MACF1: variants seen among roughly 807,000 people sequenced by gnomAD.
The protein encoded by MACF1 is microtubule-actin cross-linking factor 1.
A neutral mutation model predicts 854.8 loss-of-function variants in MACF1; 193 were observed. The ratio of observed to expected loss-of-function variants is 0.23; its 90% CI spans 0.20 to 0.25. The LOEUF (loss-of-function observed/expected upper bound fraction) is 0.25. Among genes scored for constraint, MACF1 ranks in the 10% least tolerant of loss-of-function variants. The pLI, the probability that MACF1 is intolerant of heterozygous loss-of-function variation, is 1.00. For synonymous variants in MACF1, 3,185 were observed against 3,226.7 expected (o/e 0.99, Z 0.44); for missense variants, 7,722 against 8,929.1 (o/e 0.86, Z 5.45).
chr1:39,102,431 AG>A (rs757838404), intron 2 of MACF1, among the ~76,000 whole-genome samples: 3 of 98,202 alleles, frequency 3.1e-5, no homozygotes, highest in Admixed American at 1.2e-4. Flanking sequence ...TATTAATTGG[AG>A]GCGGGGGGGG....
chr1:39,123,295 T>C (rs7555609), intron 2 of MACF1, among the ~76,000 whole-genome samples: 105,571 of 147,594 alleles, frequency 0.72, 37,756 homozygotes, highest in South Asian at 0.83. Context: ...GCAACCTCTA[T>C]CTCCCAGGTT....
At chr1:39,274,303 GTAA>G (rs1645390401) in intron 6 of MACF1, among the ~76,000 whole-genome samples, 1 of 152,040 alleles carries the variant, frequency 6.6e-6, no homozygotes, top group Admixed American at 6.5e-5. Flanking sequence ...AAATAAAAAT[GTAA>G]TAATACTGGT....
At chr1:39,426,620 A>G (rs1643735848) in intron 61 of MACF1, among the ~76,000 whole-genome samples, 1 of 152,238 alleles carries the variant, frequency 6.6e-6, no homozygotes, top group African/African-American at 2.4e-5. Context: ...AACAAACCAC[A>G]GGTACTTTGG....
chr1:39,109,753 G>A (rs1642347179), intron 2 of MACF1, among the ~76,000 whole-genome samples: 3 of 152,170 alleles, frequency 2.0e-5, no homozygotes, highest in African/African-American at 4.8e-5. Flanking sequence ...CTGTCTAAGA[G>A]CCAGGCTCCA....
chr1:39,315,000 C>A (rs547975524), intron 26 of MACF1, among the ~76,000 whole-genome samples: 4 of 152,220 alleles, frequency 2.6e-5, no homozygotes, highest in African/African-American at 7.2e-5. Flanking sequence ...CATTTGAGAG[C>A]CACCCTTAAA....
intron 97 of MACF1, among the ~76,000 whole-genome samples, chr1:39,477,073 A>ACACT (rs1481277864): frequency 3.7e-4 from 14 of 37,866 alleles, no homozygotes; most frequent in East Asian, 3.3e-3. Context: ...ATATATATAT[A>ACACT]TATATATATA....
chr1:39,479,539 G>A (rs568028663), intron 97 of MACF1, among the ~76,000 whole-genome samples: 1 of 152,326 alleles, frequency 6.6e-6, no homozygotes, highest in Admixed American at 6.5e-5. Flanking sequence ...CAGTGGCAAA[G>A]CAAGACGCTA....
chr1:39,181,052 C>T (rs1644098868), intron 2 of MACF1, among the ~76,000 whole-genome samples: 1 of 152,128 alleles, frequency 6.6e-6, no homozygotes, highest in African/African-American at 2.4e-5. Context: ...ACTACAGGCG[C>T]GTGCTACCAT....
Position 39,300,350 on chromosome 1 carries a change from C to T in MACF1, c.2622C>T (p.Tyr874=). ...TTTCTGTCAAGGCTGTCTGTGACTACAGGCAGATCGAGGTGAGGAGGTAGA... is the reference window on the plus strand; with the variant it reads ...TTTCTGTCAAGGCTGTCTGTGACTATAGGCAGATCGAGGTGAGGAGGTAGA... ...NTISVKAVCD[Y]RQIEITICKN... The change falls in exon 22 of 101, where the codon TAC becomes TAT. Residue 874 remains tyrosine (Y), a synonymous_variant. Transcript: ENST00000564288. The T allele has an allele frequency of 3.1e-6, 5 of 1,613,854 alleles. No homozygotes were observed. Among genetic ancestry groups the T allele is most frequent in the Non-Finnish European group, 4.2e-6 (5 of 1,179,942 alleles).
chr1:39,158,426 G>A (rs551009241), intron 2 of MACF1, among the ~76,000 whole-genome samples: 165 of 152,314 alleles, frequency 1.1e-3, no homozygotes, highest in African/African-American at 3.9e-3. Context: ...CTGCTGTAAG[G>A]AGAGTACAGA....
At chr1:39,136,419 C>T (rs892527947) in intron 2 of MACF1, among the ~76,000 whole-genome samples, 4 of 152,162 alleles carry the variant, frequency 2.6e-5, no homozygotes, top group Non-Finnish European at 4.4e-5. Context: ...CCCTCCAAAC[C>T]CTTGTATCTC....
chr1:39,358,981 A>G, intron 46 of MACF1, 108 bp downstream of exon 46: 1 of 1,430,582 alleles, frequency 7.0e-7, no homozygotes, highest in East Asian at 2.3e-5. Flanking sequence ...AGTGGTTGGG[A>G]TGCCTTGGAC....
intron 15 of MACF1, among the ~76,000 whole-genome samples, chr1:39,289,693 CTTTTTTTTTTTTTTTTTTTTT>C (rs58188740): frequency 3.5e-5 from 1 of 28,940 alleles, no homozygotes; most frequent in African/African-American, 1.3e-4. Context: ...GTGGGTTGTC[CTTTTTTTTTTTTTTTTTTTTT>C]TTTTTTTTTT....
chr1:39,400,498 TTTTGTTTGTTTG>T (rs982179795), intron 58 of MACF1, among the ~76,000 whole-genome samples: 9 of 151,922 alleles, frequency 5.9e-5, no homozygotes, highest in African/African-American at 2.2e-4. Context: ...TTTTTTCATT[TTTTGTTTGTTTG>T]TTTGTTTGTT....
At chr1:39,302,876 G>A (rs1283689488) in intron 22 of MACF1, 48 bp from the exon 23 acceptor site, 1 of 1,549,774 alleles carries the variant, frequency 6.5e-7, no homozygotes, top group South Asian at 1.2e-5. Context: ...GGAAATAATG[G>A]GTTGTTGGTT....
rs1445126976 is a variant in MACF1 at position 39,429,277 on chromosome 1, T to G, written c.16839T>G (p.Asn5613Lys). The change falls in exon 64 of 101, where the codon AAT becomes AAG. Residue 5613 changes from asparagine to lysine, a missense_variant. Asn to Lys is a moderately conservative substitution (Grantham distance 94, BLOSUM62 0). Around this residue, in one of 15 missense-constraint regions of MACF1, gnomAD observed 2,807 missense variants for 3,235.8 expected, o/e 0.87. Transcript: ENST00000564288. ...AAGAAATTGTTAATAGAAAGAAGAA[T>G]GTAGATCAAGCTATTAAAAATGGTC... is the stretch of plus-strand genomic sequence containing the variant. Reference protein sequence around the residue: ...LNEEIVNRKKNVDQAIKNGQA... With the variant: ...LNEEIVNRKKKVDQAIKNGQA... 5 of 1,584,570 alleles carry G rather than the reference T, an allele frequency of 3.2e-6. No individual in the cohort carries two copies. The Admixed American group carries it at 6.7e-5, about 21-fold the overall frequency.
intron 2 of MACF1, among the ~76,000 whole-genome samples, chr1:39,114,707 T>C (rs1233285400): frequency 3.9e-5 from 6 of 152,214 alleles, no homozygotes; most frequent in African/African-American, 1.4e-4. Context: ...CTTGTCTCTC[T>C]ATGATCTTAC....
At position 39,324,262 on chromosome 1, in the gene MACF1, C is replaced by T; in HGVS notation, c.4306C>T (p.Leu1436=). The part of the protein sequence containing the change: ...VKELLGWVST[L]ARNTQGKATS... ...AGAACTTTTGGGCTGGGTGTCTACC[C>T]TAGCGAGGAATACACAAGGAAAAGC... The change falls in exon 34 of 101, where the codon CTA becomes TTA. Residue 1436 remains leucine (L), a synonymous_variant. Coordinates refer to ENST00000564288, the MANE Select transcript of MACF1 (RefSeq NM_001394062.1). The T allele has an allele frequency of 6.2e-7, 1 of 1,613,762 alleles. No individual in the cohort carries two copies. Among genetic ancestry groups the T allele is most frequent in the Non-Finnish European group, 8.5e-7 (1 of 1,179,792 alleles).
At chr1:39,380,038 G>T (rs188590714) in intron 54 of MACF1, among the ~76,000 whole-genome samples, 2 of 152,188 alleles carry the variant, frequency 1.3e-5, no homozygotes, top group African/African-American at 2.4e-5. Flanking sequence ...ATACATAAAA[G>T]AAACTCAGAT....
Sources: allele counts gnomAD v4.1 joint callset (sites outside exome capture counted in the v4.1 genomes callset), GRCh38; gene constraint gnomAD v4.1.1; regional missense constraint gnomAD v4.1.1; transcripts MANE v1.5; gene names NCBI Gene and HGNC (gene_info 2026-07-23, HGNC 2026-07-21).